FGF13: variants seen among roughly 807,000 people sequenced by gnomAD.
FGF13 encodes the protein fibroblast growth factor homologous factor 2.
In FGF13, 2 loss-of-function variants were observed where a neutral mutation model predicts 19.5. The ratio of observed to expected loss-of-function variants is 0.10; its 90% confidence interval spans 0.04 to 0.32. FGF13 has a LOEUF of 0.32. Among genes scored for constraint, FGF13 ranks in the 10% least tolerant of loss-of-function variants. The pLI is 1.00. For missense variants in FGF13, 113 were observed against 192.7 expected (o/e 0.59, Z 2.45); for synonymous variants, 72 against 76.9 (o/e 0.94, Z 0.33).
At chrX:138,875,511 G>A (rs1193747612) in intron 1 of FGF13, among the ~76,000 whole-genome samples, 1 of 112,121 alleles carries the variant, frequency 8.9e-6, no homozygotes, top group Non-Finnish European at 1.9e-5. Flanking sequence ...ACAATGTGAT[G>A]GCTAATTTTA....
intron 1 of FGF13, among the ~76,000 whole-genome samples, chrX:139,147,576 A>G (rs1209837554): frequency 8.9e-6 from 1 of 112,013 alleles, no homozygotes; most frequent in East Asian, 2.8e-4. Flanking sequence ...TAGGGCTGCC[A>G]TAACAAAATC....
chrX:138,912,706 G>A (rs1263177848), intron 1 of FGF13, among the ~76,000 whole-genome samples: 1 of 111,445 alleles, frequency 9.0e-6, no homozygotes, highest in Non-Finnish European at 1.9e-5. Context: ...ATTCTGTTGG[G>A]CAGCTATGAT....
chrX:138,900,663 A>T, intron 1 of FGF13, among the ~76,000 whole-genome samples: 1 of 111,621 alleles, frequency 9.0e-6, no homozygotes, highest in Non-Finnish European at 1.9e-5. Context: ...GCCTTTAAAA[A>T]CTGAAATCTG....
At chrX:138,948,490 C>T (rs967638316) in intron 1 of FGF13, among the ~76,000 whole-genome samples, 47 of 111,668 alleles carry the variant, frequency 4.2e-4, no homozygotes, top group African/African-American at 1.5e-3. Context: ...GGAAGAGAGA[C>T]CAGAATGCCA....
At chrX:138,891,280 G>A (rs1327954032) in intron 1 of FGF13, among the ~76,000 whole-genome samples, 1 of 111,218 alleles carries the variant, frequency 9.0e-6, no homozygotes, top group Non-Finnish European at 1.9e-5. Context: ...GTGGGACTCC[G>A]ACTCAAAAAA....
intron 1 of FGF13, among the ~76,000 whole-genome samples, chrX:138,897,838 C>T: frequency 9.0e-6 from 1 of 111,312 alleles, no homozygotes; most frequent in Non-Finnish European, 1.9e-5. Context: ...GGCACTGGTC[C>T]AGATTCAGAT....
chrX:138,920,504 T>A (rs1210202606), intron 1 of FGF13, among the ~76,000 whole-genome samples: 2 of 111,666 alleles, frequency 1.8e-5, no homozygotes, highest in Non-Finnish European at 3.8e-5. Flanking sequence ...AAGCTGAAGA[T>A]TATTCAAGTT....
intron 1 of FGF13, among the ~76,000 whole-genome samples, chrX:139,186,310 T>C (rs1009629262): frequency 8.9e-6 from 1 of 111,905 alleles, no homozygotes; most frequent in African/African-American, 3.3e-5. Context: ...TCATCATTCA[T>C]GACTCCTGTC....
At chrX:138,892,478 CAAGT>C (rs1473134445) in intron 1 of FGF13, among the ~76,000 whole-genome samples, 2 of 111,880 alleles carry the variant, frequency 1.8e-5, no homozygotes, top group Non-Finnish European at 3.8e-5. Context: ...TCAGCAGAGA[CAAGT>C]AATATACAGA....
At chrX:138,870,893 G>A (rs1409515598) in intron 1 of FGF13, among the ~76,000 whole-genome samples, 1 of 112,088 alleles carries the variant, frequency 8.9e-6, no homozygotes, top group Non-Finnish European at 1.9e-5. Context: ...GCAAGGAATT[G>A]AATCGTGCTG....
chrX:138,867,786 T>A (rs750581259), intron 1 of FGF13, among the ~76,000 whole-genome samples: 17 of 66,710 alleles, frequency 2.5e-4, no homozygotes, highest in Non-Finnish European at 5.0e-4. Flanking sequence ...TCTCTAAATC[T>A]ATCTATCTAT....
chrX:139,057,683 C>A (rs778563061), intron 1 of FGF13, among the ~76,000 whole-genome samples: 1 of 111,944 alleles, frequency 8.9e-6, no homozygotes, highest in Non-Finnish European at 1.9e-5. Flanking sequence ...TATATCCATA[C>A]AATGAAATAT....
At chrX:139,014,031 G>GA (rs1173327528) in intron 1 of FGF13, among the ~76,000 whole-genome samples, 2 of 110,626 alleles carry the variant, frequency 1.8e-5, no homozygotes, top group Non-Finnish European at 3.8e-5. Flanking sequence ...AAAAAATTAA[G>GA]AAAAAATTTA....
At chrX:138,647,204 A>C (rs899228780) in intron 3 of FGF13, among the ~76,000 whole-genome samples, 3 of 102,619 alleles carry the variant, frequency 2.9e-5, no homozygotes, top group Non-Finnish European at 4.0e-5. Flanking sequence ...TGCTTAATGC[A>C]CATCCATCTC....
intron 1 of FGF13, among the ~76,000 whole-genome samples, chrX:139,179,422 A>AT (rs1391701749): frequency 4.8e-5 from 5 of 104,749 alleles, no homozygotes. Flanking sequence ...CTCCTACAGT[A>AT]TGAGTCAAAT....
At chrX:139,128,268 G>A (rs1475850686) in intron 1 of FGF13, among the ~76,000 whole-genome samples, 1 of 111,031 alleles carries the variant, frequency 9.0e-6, no homozygotes, top group African/African-American at 3.3e-5. Flanking sequence ...AAAGCTGTCT[G>A]TTTCCCAGTT....
At chrX:138,792,685 G>A in intron 3 of FGF13, among the ~76,000 whole-genome samples, 1 of 111,744 alleles carries the variant, frequency 8.9e-6, no homozygotes, top group South Asian at 3.8e-4. Flanking sequence ...TCTGGAGACT[G>A]ATGGGGCATG....
chrX:139,151,162 C>T (rs1282983749), intron 1 of FGF13, among the ~76,000 whole-genome samples: 1 of 110,761 alleles, frequency 9.0e-6, no homozygotes, highest in African/African-American at 3.3e-5. Flanking sequence ...CCTTACCCAA[C>T]AAAATCTTAC....
At chrX:138,714,200 C>G (rs1232848542), upstream of FGF13, 1 of 111,663 alleles carries the variant, frequency 9.0e-6, no homozygotes, top group African/African-American at 3.3e-5. Context: ...ATCTGTCTGT[C>G]TACGGACCTC....
Sources: gnomAD v4.1 joint callset for allele counts (sites outside exome capture counted in the v4.1 genomes callset) on GRCh38, gnomAD v4.1.1 for gene constraint, MANE v1.5 for transcripts, NCBI Gene and HGNC (gene_info 2026-07-23, HGNC 2026-07-21) for gene names.